Variants in POLR1A observed in about 807,000 individuals in gnomAD.
POLR1A encodes the protein DNA-directed RNA polymerase I subunit RPA1.
In POLR1A, 84 loss-of-function variants were observed where a neutral mutation model predicts 205.3. That is an observed-to-expected ratio of 0.41 (90% CI 0.34 to 0.49). The LOEUF (loss-of-function observed/expected upper bound fraction) is 0.49, where lower values mean the gene tolerates loss of function less well. Ranked by LOEUF, POLR1A falls within the 20% of genes least tolerant of loss-of-function variation. The pLI, the probability that POLR1A is intolerant of heterozygous loss-of-function variation, is 0.22. For missense variants in POLR1A, 1,645 were observed against 2,204.5 expected, an observed-to-expected ratio of 0.75 and a Z score of 5.08; for synonymous variants, 799 against 863.7, an observed-to-expected ratio of 0.93 and a Z score of 1.31.
rs988885060 is a variant in POLR1A at position 86,070,742 on chromosome 2, A to G, written c.1612-470T>C. On this transcript the variant is annotated intron_variant, in intron 12 of 33. Coordinates refer to ENST00000263857, the MANE Select transcript of POLR1A (RefSeq NM_015425.6). This position sits in a 1 kb window ranked among gnomAD's most constrained non-coding sequence, Gnocchi z 4.4. ...TGTGAGTACATTATTCTAAACAGAAATTCTACATTTCACAAAAAGTTTGCC... is the reference window on the plus strand; with the variant it reads ...TGTGAGTACATTATTCTAAACAGAAGTTCTACATTTCACAAAAAGTTTGCC... 1.4e-5 allele frequency among the ~76,000 whole-genome samples: 2 copies of G among 146,866 alleles called. No individual in the cohort carries two copies. The highest frequency in any genetic ancestry group is 1.3e-4 in the Admixed American group (2 of 14,830).
intron 27 of POLR1A, among the ~76,000 whole-genome samples, chr2:86,036,261 C>T (rs1369144144): frequency 6.6e-6 from 1 of 152,182 alleles, no homozygotes; most frequent in East Asian, 1.9e-4. Context: ...CCAAAACTTA[C>T]AGCCCCTAAC....
chr2:86,037,497 C>T (rs760998224), intron 27 of POLR1A, among the ~76,000 whole-genome samples: 3 of 152,262 alleles, frequency 2.0e-5, no homozygotes, highest in South Asian at 2.1e-4. Flanking sequence ...GTGTTGCCCA[C>T]GCCTGCCCCC....
At position 86,031,359 on chromosome 2, in the gene POLR1A, A is replaced by C; in HGVS notation, c.4549T>G (p.Tyr1517Asp). ...EIHPFIDDYQ[Y>D]DTEESLWCQV... ...CACCACAGGCTCTCCTCGGTGTCGT[A>C]CTGGTAGTCATCTATGAACGGGTGG... is the stretch of plus-strand genomic sequence containing the variant. Residue 1517 changes from tyrosine (Y) to aspartate (D), a missense_variant, in exon 30 of 34, where the codon TAC becomes GAC. This residue lies in a region of POLR1A where 394 missense variants were observed against 468.5 expected (regional missense o/e 0.84). Coordinates refer to ENST00000263857, the MANE Select transcript of POLR1A (RefSeq NM_015425.6). 1.3e-6 allele frequency: 2 copies of C among 1,584,676 alleles called. No homozygotes were observed. The highest frequency in any genetic ancestry group is 3.5e-5 in the Admixed American group (2 of 56,972).
intron 24 of POLR1A, 122 bp from the exon 25 acceptor site, chr2:86,040,681 T>C: frequency 1.4e-6 from 1 of 720,602 alleles, no homozygotes. Flanking sequence ...TGGACTCGTT[T>C]TTCCTAGGCA....
chr2:86,032,514 A>C (rs564977500), intron 28 of POLR1A, 132 bp from the exon 29 acceptor site: 2 of 685,414 alleles, frequency 2.9e-6, no homozygotes. Flanking sequence ...TCCAGCCACC[A>C]CCCTCCATCC....
rs577124686 is a variant in POLR1A at position 86,105,538 on chromosome 2, G to A, written c.77+162C>T. ...CCGGCCTCTTATCCAGGCAGTCCAC[G>A]CCGGCCCAGGAACGTTCCCAGAACT... On this transcript the variant is annotated intron_variant, in intron 1 of 33. Coordinates refer to ENST00000263857, the MANE Select transcript of POLR1A (RefSeq NM_015425.6). Among the ~76,000 whole-genome samples, 219 of 152,142 alleles carry A rather than the reference G, an allele frequency of 1.4e-3. 2 individuals are homozygous for A. The highest frequency in any genetic ancestry group is 5.1e-3 in the African/African-American group (212 of 41,512).
Position 86,031,341 on chromosome 2 carries a change from G to A in POLR1A, c.4567C>T (p.Leu1523=). ...ACGGCCACACTGACCTGGCACCACA[G>A]GCTCTCCTCGGTGTCGTACTGGTAG... is the stretch of plus-strand genomic sequence containing the variant. ...DDYQYDTEES[L]WCQVTVKLPL... is the part of the protein sequence containing the mutation. The change falls in exon 30 of 34, where the codon CTG becomes TTG. Residue 1523 remains leucine, a synonymous_variant. Transcript: ENST00000263857. 1.3e-6 allele frequency: 2 copies of A among 1,553,108 alleles called. No homozygotes were observed. Among genetic ancestry groups the A allele is most frequent in the Non-Finnish European group, 1.7e-6 (2 of 1,146,662 alleles).
At chr2:86,098,505 C>T (rs1442360234) in intron 3 of POLR1A, 106 bp downstream of exon 3, 14 of 1,117,576 alleles carry the variant, frequency 1.3e-5, no homozygotes, top group African/African-American at 1.6e-5. Context: ...AAAGATCAAA[C>T]GTTCTGATGA....
chr2:86,054,836 A>C (rs1340460829), intron 14 of POLR1A, among the ~76,000 whole-genome samples: 1 of 152,202 alleles, frequency 6.6e-6, no homozygotes, highest in East Asian at 1.9e-4. Context: ...CTTTATCTGG[A>C]GATAACCAGA....
intron 12 of POLR1A, among the ~76,000 whole-genome samples, chr2:86,073,661 C>T (rs926256678): frequency 5.9e-5 from 9 of 152,210 alleles, no homozygotes; most frequent in African/African-American, 1.9e-4. Flanking sequence ...CACACCCCTC[C>T]GCAACAGCAA....
intron 1 of POLR1A, among the ~76,000 whole-genome samples, chr2:86,102,667 G>A (rs1378509007): frequency 6.6e-6 from 1 of 152,184 alleles, no homozygotes; most frequent in Non-Finnish European, 1.5e-5. Flanking sequence ...ATGATTAGAA[G>A]ATAACATACA....
chr2:86,094,021 G>A (rs931005003), intron 3 of POLR1A, among the ~76,000 whole-genome samples: 5 of 152,092 alleles, frequency 3.3e-5, no homozygotes, highest in Non-Finnish European at 5.9e-5. Context: ...GATCAGATTC[G>A]GCTAACACAT....
chr2:86,043,338 C>A (rs928179129), intron 22 of POLR1A, 143 bp from the exon 23 acceptor site: 1 of 667,268 alleles, frequency 1.5e-6, no homozygotes, highest in Non-Finnish European at 2.6e-6. Context: ...CCGAGCACCA[C>A]TCTCAGAGAG....
intron 24 of POLR1A, among the ~76,000 whole-genome samples, chr2:86,041,235 G>T (rs111852818): frequency 8.2e-6 from 1 of 121,282 alleles, no homozygotes; most frequent in Middle Eastern, 4.2e-3. Flanking sequence ...TGTGTGCTGA[G>T]CTACAGTGTC....
chr2:86,063,829 G>A (rs895049984), intron 14 of POLR1A, among the ~76,000 whole-genome samples: 2 of 152,124 alleles, frequency 1.3e-5, no homozygotes, highest in Admixed American at 1.3e-4. Context: ...TTCAACCTAG[G>A]CATTTTATGT....
chr2:86,097,244 C>CAAAAAAAAAAAAAAAAAAAAAAAAA (rs1213876753), intron 3 of POLR1A, among the ~76,000 whole-genome samples: 43 of 40,652 alleles, frequency 1.1e-3, no homozygotes, highest in African/African-American at 3.0e-3. Context: ...AAAAAAAAAG[C>CAAAAAAAAAAAAAAAAAAAAAAAAA]AAATGCTGGT....
chr2:86,066,953 C>CA (rs949929291), intron 13 of POLR1A, among the ~76,000 whole-genome samples: 5 of 152,266 alleles, frequency 3.3e-5, no homozygotes, highest in African/African-American at 1.2e-4. Flanking sequence ...CAGTATTATG[C>CA]ATTTGACTCA....
At chr2:86,065,553 T>C (rs1673071995) in intron 13 of POLR1A, 88 bp from the exon 14 acceptor site, 4 of 1,115,100 alleles carry the variant, frequency 3.6e-6, no homozygotes, top group Non-Finnish European at 3.9e-6. Flanking sequence ...GAAGCCACTT[T>C]CTATCAAGAG....
intron 22 of POLR1A, 91 bp from the exon 23 acceptor site, chr2:86,043,286 T>C: frequency 9.4e-7 from 1 of 1,061,066 alleles, no homozygotes; most frequent in Non-Finnish European, 1.4e-6. Flanking sequence ...GAGCACAAAT[T>C]CAGGGGACCC....
Sources: gnomAD v4.1 joint callset for allele counts (sites outside exome capture counted in the v4.1 genomes callset) on GRCh38, gnomAD v4.1.1 for gene constraint, gnomAD v4.1.1 regional missense constraint, Gnocchi (gnomAD v3.1) non-coding constraint, MANE v1.5 for transcripts, NCBI Gene and HGNC (gene_info 2026-07-23, HGNC 2026-07-21) for gene names.